The following ZNF385D variants were observed in gnomAD, a reference collection of about 807,000 sequenced individuals.
ZNF385D encodes the protein zinc finger protein 385D, also known as zinc finger protein 659.
In ZNF385D, 15 loss-of-function variants were observed where a neutral mutation model predicts 35.8. The observed-to-expected ratio is 0.42, with a 90% confidence interval of 0.28 to 0.64. The LOEUF is 0.64. ZNF385D is among the 30% of genes least tolerant of loss of function. ZNF385D has a pLI of 0.23. For synonymous variants in ZNF385D, 212 were observed against 186.8 expected, an observed-to-expected ratio of 1.13 and a Z score of -1.10; for missense variants, 474 against 494.6, an observed-to-expected ratio of 0.96 and a Z score of 0.39.
chr3:21,924,975 A>G (rs906747658), intron 3 of ZNF385D, among the ~76,000 whole-genome samples: 1 of 152,168 alleles, frequency 6.6e-6, no homozygotes, highest in Non-Finnish European at 1.5e-5. Flanking sequence ...CTTGACTACT[A>G]AAACTAAAAA....
At chr3:22,266,403 T>A (rs901555024) in intron 2 of ZNF385D, among the ~76,000 whole-genome samples, 1 of 151,890 alleles carries the variant, frequency 6.6e-6, no homozygotes, top group African/African-American at 2.4e-5. Context: ...AGAGCTCAAG[T>A]AAAACCAGCG....
At chr3:21,607,853 T>A (rs1279512246) in intron 2 of ZNF385D, among the ~76,000 whole-genome samples, 1 of 152,080 alleles carries the variant, frequency 6.6e-6, no homozygotes, top group African/African-American at 2.4e-5. Flanking sequence ...CTGATAGCTT[T>A]CTGGTCCCAT....
chr3:21,964,100 T>G (rs1156589002), intron 3 of ZNF385D, among the ~76,000 whole-genome samples: 1 of 151,996 alleles, frequency 6.6e-6, no homozygotes, highest in Non-Finnish European at 1.5e-5. Flanking sequence ...ACTTAACCCT[T>G]CTAATTCAAT....
Position 21,614,222 on chromosome 3 carries a change from G to A in ZNF385D, c.166-49538C>T, listed in dbSNP as rs75937296. On this transcript the variant is annotated intron_variant, in intron 2 of 7. Coordinates refer to ENST00000281523, the MANE Select transcript of ZNF385D (RefSeq NM_024697.3). ...CTGACTCCTGAGGCTTCTCTCCTGGGCTTATAGATGGCCACCTTGTTTCTC... is the reference window on the plus strand; with the variant it reads ...CTGACTCCTGAGGCTTCTCTCCTGGACTTATAGATGGCCACCTTGTTTCTC... 6.3e-3 allele frequency among the ~76,000 whole-genome samples: 961 copies of A among 152,186 alleles called. 10 individuals are homozygous for A. The highest frequency in any genetic ancestry group is 0.022 in the African/African-American group (905 of 41,532).
chr3:21,688,528 A>G (rs1335990670), intron 1 of ZNF385D, among the ~76,000 whole-genome samples: 1 of 152,174 alleles, frequency 6.6e-6, no homozygotes, highest in African/African-American at 2.4e-5. Context: ...CAAAACTTAG[A>G]AAACAAGTCT....
chr3:21,865,257 C>A (rs1187904616), intron 3 of ZNF385D, among the ~76,000 whole-genome samples: 1 of 151,694 alleles, frequency 6.6e-6, no homozygotes, highest in Non-Finnish European at 1.5e-5. Flanking sequence ...TACACACTTA[C>A]AAATAGATGG....
At position 21,772,561 on chromosome 3, in the gene ZNF385D, G is replaced by A. The variant is rs112426350; in HGVS notation, c.326-107533C>T. ...TTACAGTGGGAAAAAAGAAAATAACGTATTGATGAAGAGGAGGAGAAATTG... is the reference window on the plus strand; with the variant it reads ...TTACAGTGGGAAAAAAGAAAATAACATATTGATGAAGAGGAGGAGAAATTG... On this transcript the variant is annotated intron_variant, in intron 3 of 5. Coordinates refer to the ZNF385D transcript ENST00000494108. Among the ~76,000 whole-genome samples, 364 of 151,970 alleles carry A rather than the reference G, an allele frequency of 2.4e-3. 1 individual carries two copies. Among genetic ancestry groups the A allele is most frequent in the African/African-American group, 8.3e-3 (345 of 41,506 alleles).
intron 2 of ZNF385D, among the ~76,000 whole-genome samples, chr3:22,248,013 C>T (rs974203505): frequency 3.3e-5 from 5 of 152,112 alleles, no homozygotes; most frequent in African/African-American, 1.2e-4. Flanking sequence ...TCACAAAATA[C>T]ATATAATAGA....
At chr3:21,865,102 G>C (rs889354261) in intron 3 of ZNF385D, among the ~76,000 whole-genome samples, 1 of 103,336 alleles carries the variant, frequency 9.7e-6, no homozygotes, top group Non-Finnish European at 1.8e-5. Context: ...ACCACTTGCC[G>C]TATCTACTTT....
rs376697163 is a variant in ZNF385D at position 22,175,893 on chromosome 3, T to C, written c.107-6858A>G. Reference sequence around the variant, plus strand: ...TGTAGAAAAATTTATTTTACTGTTATGGTAAAACATTAAATATATATTATA... The same window carrying C: ...TGTAGAAAAATTTATTTTACTGTTACGGTAAAACATTAAATATATATTATA... On this transcript the variant is annotated intron_variant, in intron 2 of 5. Transcript: ENST00000494108. Among the ~76,000 whole-genome samples, 5 of 149,110 alleles carry C rather than the reference T, an allele frequency of 3.4e-5. No homozygotes were observed. In the South Asian group the frequency reaches 6.3e-4, roughly 19 times the overall value.
At chr3:21,976,561 G>C (rs1254033864) in intron 3 of ZNF385D, among the ~76,000 whole-genome samples, 1 of 152,182 alleles carries the variant, frequency 6.6e-6, no homozygotes, top group Admixed American at 6.5e-5. Flanking sequence ...GGAGACATAT[G>C]TAACAGATAA....
chr3:22,168,709 T>C (rs1706497650), intron 3 of ZNF385D: 1 of 669,774 alleles, frequency 1.5e-6, no homozygotes, highest in South Asian at 6.7e-5. Context: ...AAGTAATATT[T>C]TTCCTGGTTT....
chr3:21,723,712 T>C (rs938800469), intron 1 of ZNF385D, among the ~76,000 whole-genome samples: 5 of 152,152 alleles, frequency 3.3e-5, no homozygotes, highest in Admixed American at 2.6e-4. Context: ...TAGAACCAAG[T>C]TGGAAAACAC....
chr3:21,772,930 T>C (rs886997799), intron 3 of ZNF385D, among the ~76,000 whole-genome samples: 3 of 151,880 alleles, frequency 2.0e-5, no homozygotes, highest in East Asian at 3.9e-4. Flanking sequence ...CTTGAGAACA[T>C]GCTAAGTGAA....
At chr3:21,535,310 A>G (rs2062012546) in intron 3 of ZNF385D, among the ~76,000 whole-genome samples, 1 of 152,102 alleles carries the variant, frequency 6.6e-6, no homozygotes, top group Non-Finnish European at 1.5e-5. Context: ...CACACCTAAT[A>G]CATAAAAAAT....
At chr3:21,895,863 A>T (rs926574906) in intron 3 of ZNF385D, among the ~76,000 whole-genome samples, 2 of 152,132 alleles carry the variant, frequency 1.3e-5, no homozygotes, top group Non-Finnish European at 2.9e-5. Flanking sequence ...ATGGCAGGGA[A>T]AGGAAAAAGA....
intron 3 of ZNF385D, among the ~76,000 whole-genome samples, chr3:21,979,262 A>T (rs1694263425): frequency 6.6e-6 from 1 of 152,148 alleles, no homozygotes; most frequent in East Asian, 1.9e-4. Flanking sequence ...AGGGGGAAAA[A>T]AACCCACAAA....
chr3:22,255,878 A>C (rs1037668829), intron 2 of ZNF385D, among the ~76,000 whole-genome samples: 1 of 151,646 alleles, frequency 6.6e-6, no homozygotes, highest in Non-Finnish European at 1.5e-5. Flanking sequence ...TGAAGGATAC[A>C]AAGTATTGAT....
intron 2 of ZNF385D, among the ~76,000 whole-genome samples, chr3:22,244,282 G>A (rs896603778): frequency 7.4e-6 from 1 of 135,202 alleles, no homozygotes; most frequent in African/African-American, 2.7e-5. Flanking sequence ...TCTTGAAATT[G>A]TGTTACTCTT....
Sources: gnomAD v4.1 joint callset for allele counts (sites outside exome capture counted in the v4.1 genomes callset) on GRCh38, gnomAD v4.1.1 for gene constraint, MANE v1.5 for transcripts, NCBI Gene and HGNC (gene_info 2026-07-23, HGNC 2026-07-21) for gene names.